The following KLHL29 variants were observed in gnomAD, a reference collection of about 807,000 sequenced individuals.
KLHL29 encodes kelch-like protein 29.
A neutral mutation model predicts 80.4 loss-of-function variants in KLHL29; 21 were observed. The ratio of observed to expected loss-of-function variants is 0.26; its 90% CI spans 0.19 to 0.38. The LOEUF is 0.38. Ranked by LOEUF, KLHL29 falls within the 10% of genes least tolerant of loss-of-function variation. The pLI is 1.00. For missense variants in KLHL29, 867 were observed against 1,223.9 expected (o/e 0.71, Z 4.35); for synonymous variants, 511 against 526.8 (o/e 0.97, Z 0.41).
At chr2:23,675,978 A>G (rs1670908603) in intron 5 of KLHL29, among the ~76,000 whole-genome samples, 1 of 152,172 alleles carries the variant, frequency 6.6e-6, no homozygotes, top group African/African-American at 2.4e-5. Context: ...TGTGCAAAAC[A>G]TGGCGCCAGG....
chr2:23,461,130 G>C (rs1664196585), intron 1 of KLHL29, among the ~76,000 whole-genome samples: 1 of 152,158 alleles, frequency 6.6e-6, no homozygotes, highest in South Asian at 2.1e-4. Flanking sequence ...ACTTTTTTGA[G>C]TACTTTATTG....
intron 2 of KLHL29, among the ~76,000 whole-genome samples, chr2:23,536,875 A>C (rs1346737160): frequency 6.6e-6 from 1 of 151,224 alleles, no homozygotes; most frequent in Non-Finnish European, 1.5e-5. Context: ...CTAACGAAAT[A>C]GCGAAAGACA....
intron 7 of KLHL29, among the ~76,000 whole-genome samples, chr2:23,692,963 C>T (rs1325489871): frequency 1.3e-5 from 2 of 152,184 alleles, no homozygotes; most frequent in Non-Finnish European, 2.9e-5. Context: ...CGCCTGACCC[C>T]AGCCCAGGCC....
intron 5 of KLHL29, among the ~76,000 whole-genome samples, chr2:23,666,178 A>G (rs1204166236): frequency 6.6e-6 from 1 of 152,246 alleles, no homozygotes. Flanking sequence ...CAGGGGGCTC[A>G]TATTTGAGCT....
intron 2 of KLHL29, among the ~76,000 whole-genome samples, chr2:23,539,448 T>C (rs1163158283): frequency 2.1e-5 from 3 of 145,708 alleles, no homozygotes; most frequent in Admixed American, 2.0e-4. Flanking sequence ...TTTTTTTTTT[T>C]TTTTTTTTTT....
At chr2:23,461,990 A>T (rs865799590) in intron 1 of KLHL29, among the ~76,000 whole-genome samples, 45 of 57,216 alleles carry the variant, frequency 7.9e-4, no homozygotes, top group Middle Eastern at 9.6e-3. Flanking sequence ...TTTTTTTTTT[A>T]ATGACAAAAA....
At chr2:23,579,450 G>A (rs899620330) in intron 3 of KLHL29, among the ~76,000 whole-genome samples, 2 of 152,062 alleles carry the variant, frequency 1.3e-5, no homozygotes, top group African/African-American at 4.8e-5. Context: ...TCTTCTGCAT[G>A]CCTGGCTCAG....
intron 3 of KLHL29, among the ~76,000 whole-genome samples, chr2:23,616,104 T>C (rs1448522665): frequency 1.3e-5 from 2 of 152,182 alleles, no homozygotes; most frequent in Admixed American, 6.5e-5. Context: ...TCTCTGCTAT[T>C]GGCCACTGAG....
rs558748143 is a variant in KLHL29, at chr2:23,677,494, G to A, written c.941-6905G>A. On this transcript the variant is annotated intron_variant, in intron 5 of 13. Coordinates refer to ENST00000486442, the MANE Select transcript of KLHL29 (RefSeq NM_052920.2). ...CTGCATAGGGCCTCAGGTGTCACAC[G>A]TCCGACTCAGGCTGGACGAGCGACC... Among the ~76,000 whole-genome samples the A allele has an allele frequency of 1.1e-4, 17 of 152,320 alleles. No individual in the cohort carries two copies. The South Asian group carries it at 2.1e-3, about 19-fold the overall frequency.
At chr2:23,643,947 G>T (rs1185735215) in intron 5 of KLHL29, 1 of 151,880 alleles carries the variant, frequency 6.6e-6, no homozygotes, top group Non-Finnish European at 1.5e-5. Flanking sequence ...ATTTCGGGGT[G>T]CTCTGCCTTT....
intron 3 of KLHL29, among the ~76,000 whole-genome samples, chr2:23,592,953 C>A (rs1246654157): frequency 1.3e-5 from 2 of 152,160 alleles, no homozygotes; most frequent in Non-Finnish European, 2.9e-5. Context: ...AGACTTTTCC[C>A]AGCTACCCCA....
At chr2:23,516,514 A>G (rs113732843) in intron 2 of KLHL29, among the ~76,000 whole-genome samples, 183 of 152,140 alleles carry the variant, frequency 1.2e-3, no homozygotes, top group Non-Finnish European at 1.8e-3. Context: ...CTCCAGGGAC[A>G]ATGCACATAA....
chr2:23,703,919 G>T (rs1436124114), intron 13 of KLHL29, 56 bp downstream of exon 13: 7 of 1,484,172 alleles, frequency 4.7e-6, no homozygotes, highest in Non-Finnish European at 6.3e-6. Context: ...GAGGAGGAGG[G>T]GTGTGACCAC....
intron 1 of KLHL29, among the ~76,000 whole-genome samples, chr2:23,414,416 A>G (rs1666938606): frequency 6.6e-6 from 1 of 152,242 alleles, no homozygotes; most frequent in South Asian, 2.1e-4. Context: ...CAGAAAGGAA[A>G]TTGTTAAAAG....
At chr2:23,393,092 C>A (rs1666359488) in intron 1 of KLHL29, among the ~76,000 whole-genome samples, 1 of 152,226 alleles carries the variant, frequency 6.6e-6, no homozygotes, top group Non-Finnish European at 1.5e-5. Flanking sequence ...AAAGATTCAT[C>A]TAGAACCACT....
At chr2:23,544,044 G>A (rs888877815) in intron 2 of KLHL29, among the ~76,000 whole-genome samples, 3 of 152,290 alleles carry the variant, frequency 2.0e-5, no homozygotes, top group South Asian at 2.1e-4. Flanking sequence ...AAAAGCAACC[G>A]CTTTAAGACC....
intron 1 of KLHL29, among the ~76,000 whole-genome samples, chr2:23,412,122 A>AGGGGG (rs33951812): frequency 8.4e-6 from 1 of 118,718 alleles, no homozygotes; most frequent in African/African-American, 3.3e-5. Flanking sequence ...GTGTGCGTGA[A>AGGGGG]GGGGGGGGGG....
chr2:23,473,519 C>T (rs2103436800), intron 1 of KLHL29, among the ~76,000 whole-genome samples: 1 of 152,208 alleles, frequency 6.6e-6, no homozygotes, highest in African/African-American at 2.4e-5. Context: ...GTTGTCTCCC[C>T]TAGAGGTAGG....
chr2:23,491,314 T>G (rs1665096312), intron 2 of KLHL29, among the ~76,000 whole-genome samples: 1 of 152,128 alleles, frequency 6.6e-6, no homozygotes. Context: ...TCTCCTACCC[T>G]GGGAGCTCAG....
Sources: allele counts gnomAD v4.1 joint callset (sites outside exome capture counted in the v4.1 genomes callset), GRCh38; gene constraint gnomAD v4.1.1; transcripts MANE v1.5; gene names NCBI Gene and HGNC (gene_info 2026-07-23, HGNC 2026-07-21).